Variants in RPRD2 observed in about 807,000 individuals in gnomAD.
The protein encoded by RPRD2 is regulation of nuclear pre-mRNA domain containing 2, also known as regulation of nuclear pre-mRNA domain-containing protein 2.
A neutral mutation model predicts 104.4 loss-of-function variants in RPRD2; 12 were observed. The ratio of observed to expected loss-of-function variants is 0.11; its 90% confidence interval spans 0.07 to 0.19. The LOEUF (loss-of-function observed/expected upper bound fraction) is 0.19, where lower values mean the gene tolerates loss of function less well. Among genes scored for constraint, RPRD2 ranks in the 10% least tolerant of loss-of-function variants. The pLI is 1.00. For synonymous variants in RPRD2, 714 were observed against 684.9 expected (o/e 1.04, Z -0.66); for missense variants, 1,543 against 1,790.1 (o/e 0.86, Z 2.49).
chr1:150,437,977 T>TTA (rs377158743), intron 2 of RPRD2, among the ~76,000 whole-genome samples: 6 of 129,636 alleles, frequency 4.6e-5, no homozygotes. Context: ...TGTCATTATT[T>TTA]AAAAAAAAAA....
chr1:150,366,930 C>T (rs1252613706), intron 1 of RPRD2, among the ~76,000 whole-genome samples: 5 of 152,108 alleles, frequency 3.3e-5, no homozygotes, highest in African/African-American at 1.2e-4. Context: ...GGATCACAAG[C>T]GACAATTACA....
intron 1 of RPRD2, among the ~76,000 whole-genome samples, chr1:150,371,070 T>C (rs1394289905): frequency 1.3e-5 from 2 of 152,160 alleles, no homozygotes; most frequent in African/African-American, 4.8e-5. Flanking sequence ...ATGAAACATA[T>C]AAACATGGAC....
At chr1:150,381,737 C>T (rs910377896) in intron 1 of RPRD2, among the ~76,000 whole-genome samples, 4 of 152,028 alleles carry the variant, frequency 2.6e-5, no homozygotes, top group Non-Finnish European at 5.9e-5. Context: ...ATCTCCTAAC[C>T]TCGTGATCCG....
At chr1:150,431,285 A>G (rs990203324) in intron 2 of RPRD2, among the ~76,000 whole-genome samples, 3 of 152,108 alleles carry the variant, frequency 2.0e-5, no homozygotes, top group Non-Finnish European at 4.4e-5. Context: ...CAGCAGTTCT[A>G]CCTCTAGATA....
At chr1:150,369,582 G>T (rs1467120048) in intron 1 of RPRD2, among the ~76,000 whole-genome samples, 1 of 140,170 alleles carries the variant, frequency 7.1e-6, no homozygotes, top group East Asian at 2.1e-4. Context: ...TCAGCCTCCC[G>T]AGCAGCTGGG....
chr1:150,433,476 G>C (rs1487399744), intron 2 of RPRD2, among the ~76,000 whole-genome samples: 1 of 113,116 alleles, frequency 8.8e-6, no homozygotes, highest in Non-Finnish European at 1.7e-5. Flanking sequence ...ACGGAGTCTC[G>C]CTCTGTCACC....
At chr1:150,405,534 GGAA>G (rs1466718139) in intron 1 of RPRD2, among the ~76,000 whole-genome samples, 1 of 151,996 alleles carries the variant, frequency 6.6e-6, no homozygotes, top group African/African-American at 2.4e-5. Flanking sequence ...TTTGATGCTT[GGAA>G]CATGAAGCCG....
chr1:150,432,701 C>G (rs4926394), intron 2 of RPRD2, among the ~76,000 whole-genome samples: 86,213 of 150,174 alleles, frequency 0.57, 25,692 homozygotes, highest in Non-Finnish European at 0.65. Flanking sequence ...ATTGGAGCTG[C>G]GCATGGTGGC....
chr1:150,399,047 G>A (rs1662766705), intron 1 of RPRD2, among the ~76,000 whole-genome samples: 1 of 152,074 alleles, frequency 6.6e-6, no homozygotes, highest in Non-Finnish European at 1.5e-5. Flanking sequence ...TGGTTACCCA[G>A]GCTGGAGTGC....
Position 150,364,792 on chromosome 1 carries a change from G to T in RPRD2, c.78G>T (p.Ser26=). 1 of 1,613,502 alleles carries T rather than the reference G, an allele frequency of 6.2e-7. No individual in the cohort carries two copies. The highest frequency in any genetic ancestry group is 8.5e-7 in the Non-Finnish European group (1 of 1,179,686). The part of the protein sequence containing the change: ...SASSAGALES[S]LDRKFQSVTN... The stretch of plus-strand genomic sequence containing the variant: ...CTTCGGCAGGGGCTCTGGAGTCCTC[G>T]TTGGATCGAAAATTCCAGTCGGTAA... Residue 26 remains serine, a synonymous_variant, in exon 1 of 11, where the codon TCG becomes TCT. Coordinates refer to ENST00000369068, the MANE Select transcript of RPRD2 (RefSeq NM_015203.5).
chr1:150,393,907 G>A (rs978986232), intron 1 of RPRD2, among the ~76,000 whole-genome samples: 2 of 151,628 alleles, frequency 1.3e-5, no homozygotes, highest in Admixed American at 6.6e-5. Flanking sequence ...TTCTTGGAGT[G>A]AAAAAAACAA....
intron 1 of RPRD2, among the ~76,000 whole-genome samples, chr1:150,380,686 C>T (rs1174331525): frequency 1.3e-5 from 2 of 151,644 alleles, no homozygotes; most frequent in Non-Finnish European, 2.9e-5. Context: ...GACGGAGTCT[C>T]TCTCTGTCGC....
rs760372738 is a variant in RPRD2 at position 150,471,909 on chromosome 1, C to G, written c.2961C>G (p.His987Gln). 5 of 1,613,964 alleles carry G rather than the reference C, an allele frequency of 3.1e-6. No individual in the cohort carries two copies. The East Asian group carries it at 1.1e-4, about 36-fold the overall frequency. ...ACACCCTTGCCGCTCCCACGGGTCA[C>G]CCACCCACGTCAGGCGTGGAGAAAG... is the stretch of plus-strand genomic sequence containing the variant. ...PQNTLAAPTGHPPTSGVEKVL... is the reference protein window; with the variant it reads ...PQNTLAAPTGQPPTSGVEKVL... Residue 987 changes from histidine (H) to glutamine (Q), a missense_variant, in exon 11 of 11, where the codon CAC becomes CAG. By Grantham distance (24) the His-to-Gln change is conservative. Around this residue, in one of 4 missense-constraint regions of RPRD2, gnomAD observed 880 missense variants for 885.6 expected, o/e 0.99. Transcript: ENST00000369068. The surrounding 1 kb of genome is among the most constrained non-coding windows in gnomAD (Gnocchi z 5.3).
At chr1:150,444,127 G>T (rs1666598046) in intron 5 of RPRD2, 124 bp from the exon 6 acceptor site, 1 of 916,148 alleles carries the variant, frequency 1.1e-6, no homozygotes, top group Non-Finnish European at 1.6e-6. Context: ...TTCCTCCCAG[G>T]GTTTTGTTAA....
intron 9 of RPRD2, among the ~76,000 whole-genome samples, chr1:150,462,445 CAAA>C (rs1201864402): frequency 8.5e-6 from 1 of 118,336 alleles, no homozygotes; most frequent in Non-Finnish European, 1.8e-5. Flanking sequence ...ACTCTTGTCT[CAAA>C]AAAAAACAAA....
chr1:150,429,159 C>G (rs2102313313), intron 2 of RPRD2, among the ~76,000 whole-genome samples: 1 of 149,508 alleles, frequency 6.7e-6, no homozygotes, highest in East Asian at 2.0e-4. Context: ...GTGGTGCGAT[C>G]TCAGCTCACC....
chr1:150,457,661 G>GTA, intron 8 of RPRD2, 91 bp downstream of exon 8: 1 of 1,117,584 alleles, frequency 8.9e-7, no homozygotes. Flanking sequence ...TTGAAAGATA[G>GTA]TTCATTTCTT....
intron 4 of RPRD2, 112 bp from the exon 5 acceptor site, chr1:150,443,119 T>G (rs1666515577): frequency 1.5e-6 from 1 of 660,484 alleles, no homozygotes; most frequent in African/African-American, 1.8e-5. Flanking sequence ...GACTTAAATG[T>G]GCATGTTTGC....
At chr1:150,447,753 T>C (rs782114061) in intron 7 of RPRD2, among the ~76,000 whole-genome samples, 3 of 152,244 alleles carry the variant, frequency 2.0e-5, no homozygotes, top group Non-Finnish European at 2.9e-5. Flanking sequence ...TTAATCACTG[T>C]GTATCGCCGT....
Sources: allele counts gnomAD v4.1 joint callset (sites outside exome capture counted in the v4.1 genomes callset), GRCh38; gene constraint gnomAD v4.1.1; regional missense constraint gnomAD v4.1.1; non-coding constraint Gnocchi (gnomAD v3.1); transcripts MANE v1.5; gene names NCBI Gene and HGNC (gene_info 2026-07-23, HGNC 2026-07-21).